The following ZFAND2A variants were observed in gnomAD, a reference collection of about 807,000 sequenced individuals.
ZFAND2A encodes the protein AN1-type zinc finger protein 2A.
Under a neutral mutation model 11.6 loss-of-function variants are expected in ZFAND2A, and 20 were observed. The ratio of observed to expected loss-of-function variants is 1.72; its 90% CI spans 1.21 to 2.50. ZFAND2A has a LOEUF of 2.50. Among genes scored for constraint, ZFAND2A ranks in the 30% most tolerant of loss-of-function variants. The pLI, the probability that ZFAND2A is intolerant of heterozygous loss-of-function variation, is 0.00. For synonymous variants in ZFAND2A, 93 were observed against 60.6 expected, an observed-to-expected ratio of 1.54 and a Z score of -2.48; for missense variants, 234 against 182.9, an observed-to-expected ratio of 1.28 and a Z score of -1.61.
At chr7:1,158,467 A>T (rs1347349721) in intron 1 of ZFAND2A, among the ~76,000 whole-genome samples, 2 of 152,232 alleles carry the variant, frequency 1.3e-5, no homozygotes, top group Non-Finnish European at 2.9e-5. Flanking sequence ...TTCCTAGTCT[A>T]TGAAGCACTC....
chr7:1,149,555 A>G (rs1166420999), downstream of ZFAND2A, among the ~76,000 whole-genome samples: 6 of 152,170 alleles, frequency 3.9e-5, no homozygotes, highest in African/African-American at 7.2e-5. Flanking sequence ...CAACGGTCAC[A>G]TGTCACCCAC....
At chr7:1,156,109 GACCGCCCAGCAAGGCTAAA>G (rs1793521027) in intron 3 of ZFAND2A, among the ~76,000 whole-genome samples, 2 of 147,920 alleles carry the variant, frequency 1.4e-5, no homozygotes, top group African/African-American at 5.3e-5. Context: ...CAAAGGGGTG[GACCGCCCAGCAAGGCTAAA>G]AACCTGAGCT....
chr7:1,152,434 C>G, downstream of ZFAND2A: 2 of 1,420,726 alleles, frequency 1.4e-6, no homozygotes, highest in Admixed American at 2.6e-5. Flanking sequence ...CTACCACTGG[C>G]CTGGCCCAGG....
downstream of ZFAND2A, among the ~76,000 whole-genome samples, chr7:1,152,749 C>T (rs944463300): frequency 6.6e-6 from 1 of 152,092 alleles, no homozygotes; most frequent in East Asian, 1.9e-4. Flanking sequence ...GAGACGCAGC[C>T]GATGCTCCCC....
chr7:1,155,399 C>T, intron 4 of ZFAND2A, 54 bp downstream of exon 4: 1 of 1,589,814 alleles, frequency 6.3e-7, no homozygotes. Flanking sequence ...TGACTCTTCC[C>T]AAGGAAAAAC....
At chr7:1,155,613 T>C (rs1793507818) in intron 3 of ZFAND2A, 29 bp from the exon 4 acceptor site, 1 of 1,606,928 alleles carries the variant, frequency 6.2e-7, no homozygotes, top group African/African-American at 1.3e-5. Flanking sequence ...AGATGGCATC[T>C]GAGACTCATG....
In ZFAND2A at chr7:1,158,174, C is replaced by T. The variant is rs774552625; in HGVS notation, c.39G>A (p.Lys13=). 6.2e-7 allele frequency: 1 copy of T among 1,614,020 alleles called. No individual in the cohort carries two copies. The highest frequency in any genetic ancestry group is 8.5e-7 in the Non-Finnish European group (1 of 1,180,028). The change falls in exon 2 of 5, where the codon AAG becomes AAA. Residue 13 remains lysine, a synonymous_variant. Coordinates refer to ENST00000316495, the MANE Select transcript of ZFAND2A (RefSeq NM_182491.4). ...AGTACTCACCTAGCTGCTTGCAAGT[C>T]TTTTCTGAACAATGCTTCCCCAAAT... ...FPDLGKHCSE[K]TCKQLDFLPV...
chr7:1,159,425 G>A (rs1023899451), intron 1 of ZFAND2A, among the ~76,000 whole-genome samples: 4 of 152,082 alleles, frequency 2.6e-5, no homozygotes, highest in South Asian at 2.1e-4. Context: ...CGGCCCCGAT[G>A]GCAGGCCCGG....
downstream of ZFAND2A, chr7:1,152,760 G>A (rs922107046): frequency 2.8e-5 from 14 of 501,464 alleles, 1 homozygote; most frequent in South Asian, 1.4e-4. Context: ...GATGCTCCCC[G>A]CAGCCCTCAG....
rs75584709 is a variant in ZFAND2A at position 1,158,748 on chromosome 7, C to G, written c.-45-491G>C. On this transcript the variant is annotated intron_variant, in intron 1 of 4. Transcript: ENST00000316495. ...GAACTTATTCCTCGATGACATCAACCTGGAGTTGATCAGGGAGAAGCGCAA... is the reference window on the plus strand; with the variant it reads ...GAACTTATTCCTCGATGACATCAACGTGGAGTTGATCAGGGAGAAGCGCAA... 8.9e-4 allele frequency among the ~76,000 whole-genome samples: 135 copies of G among 152,348 alleles called. 1 individual carries two copies. Among genetic ancestry groups the G allele is most frequent in the African/African-American group, 3.1e-3 (130 of 41,582 alleles).
At chr7:1,158,096 A>T in intron 2 of ZFAND2A, 62 bp downstream of exon 2, 1 of 1,511,280 alleles carries the variant, frequency 6.6e-7, no homozygotes. Flanking sequence ...GCTAATTAAC[A>T]GAACAGCCAG....
intron 4 of ZFAND2A, among the ~76,000 whole-genome samples, chr7:1,154,848 G>A (rs959339894): frequency 7.9e-5 from 12 of 152,316 alleles, no homozygotes; most frequent in South Asian, 4.1e-4. Flanking sequence ...AGCTGGGCGT[G>A]GTGGCTCACA....
chr7:1,155,503 C>T lies in ZFAND2A; in HGVS notation c.232G>A (p.Asp78Asn). ...KGQIPDVVVG[D>N]HIDRDCDSHP... is the part of the protein sequence containing the mutation. ...GAGTCACAGTCTCTGTCAATGTGAT[C>T]ACCAACCACCACGTCTGGTATCTGG... is the stretch of plus-strand genomic sequence containing the variant. The change falls in exon 4 of 5, where the codon GAT becomes AAT. Residue 78 changes from aspartate (D) to asparagine (N), a missense_variant. Transcript: ENST00000316495. The T allele has an allele frequency of 1.2e-6, 2 of 1,613,898 alleles. No individual in the cohort carries two copies. Among genetic ancestry groups the T allele is most frequent in the South Asian group, 2.2e-5 (2 of 91,032 alleles).
intron 3 of ZFAND2A, among the ~76,000 whole-genome samples, chr7:1,156,634 C>T (rs1793531807): frequency 6.6e-6 from 1 of 152,136 alleles, no homozygotes; most frequent in South Asian, 2.1e-4. Context: ...TGGCTAAAAA[C>T]CTGAGCCAGG....
Position 1,155,438 on chromosome 7 carries a change from G to C in ZFAND2A, c.282+15C>G, listed in dbSNP as rs139203407. The C allele has an allele frequency of 1.2e-6, 2 of 1,608,372 alleles. No homozygotes were observed. The highest frequency in any genetic ancestry group is 2.7e-5 in the African/African-American group (2 of 74,602). ...GCTTCCCAGATGAAGGAACTGAGGC[G>C]GGCTCTGTCCTTACCTTCTCTTTCT... On this transcript the variant is annotated intron_variant, in intron 4 of 4. Transcript: ENST00000316495.
chr7:1,149,392 G>A (rs1412649729), downstream of ZFAND2A, among the ~76,000 whole-genome samples: 1 of 152,186 alleles, frequency 6.6e-6, no homozygotes, highest in Non-Finnish European at 1.5e-5. Context: ...TGTCACCCGG[G>A]CAGCTCCAGG....
downstream of ZFAND2A, among the ~76,000 whole-genome samples, chr7:1,149,090 G>A (rs1319907838): frequency 2.0e-5 from 3 of 152,040 alleles, no homozygotes; most frequent in Admixed American, 1.3e-4. Flanking sequence ...AAGCCACTGG[G>A]CCCGGCTGGA....
chr7:1,157,773 G>C (rs372277830), intron 2 of ZFAND2A, 23 bp from the exon 3 acceptor site: 43 of 1,502,654 alleles, frequency 2.9e-5, no homozygotes, highest in Non-Finnish European at 3.7e-5. Flanking sequence ...AAACAGGGAA[G>C]TGTTTTAACG....
In ZFAND2A at chr7:1,156,110, ACCGCCCAGCAAGG is replaced by A. The variant is rs1315198267; in HGVS notation, c.151-539_151-527del. On this transcript the variant is annotated intron_variant, in intron 3 of 4. Transcript: ENST00000316495. ...GGTTGTGAGGGCTCCAAAGGGGTGG[ACCGCCCAGCAAGG>A]CTAAAAACCTGAGCTGGGGGCTCCG... 6.6e-3 allele frequency among the ~76,000 whole-genome samples: 968 copies of A among 147,260 alleles called. 42 individuals are homozygous for A. Among genetic ancestry groups the A allele is most frequent in the African/African-American group, 0.024 (901 of 37,434 alleles).
Sources: gnomAD v4.1 joint callset for allele counts (sites outside exome capture counted in the v4.1 genomes callset) on GRCh38, gnomAD v4.1.1 for gene constraint, MANE v1.5 for transcripts, NCBI Gene and HGNC (gene_info 2026-07-23, HGNC 2026-07-21) for gene names.